MYOF: variants seen among roughly 807,000 people sequenced by gnomAD.
MYOF encodes myoferlin, also known as fer-1-like 3, myoferlin.
MYOF carries 244 observed loss-of-function variants against 284.2 expected under a neutral mutation model. The ratio of observed to expected loss-of-function variants is 0.86; its 90% CI spans 0.77 to 0.95. The LOEUF is 0.95. MYOF is among the 40% of genes least tolerant of loss of function. MYOF has a pLI of 0.00. For synonymous variants in MYOF, 904 were observed against 919.7 expected, an observed-to-expected ratio of 0.98 and a Z score of 0.31; for missense variants, 2,496 against 2,560.6, an observed-to-expected ratio of 0.97 and a Z score of 0.54.
chr10:93,311,592 A>C (rs146359231), intron 51 of MYOF, among the ~76,000 whole-genome samples: 123,015 of 146,808 alleles, frequency 0.84, 51,482 homozygotes, highest in East Asian at 0.9. Flanking sequence ...TCATCTCTAA[A>C]AAAAAAAAAA....
intron 43 of MYOF, 67 bp downstream of exon 43, chr10:93,333,154 A>G (rs1843413018): frequency 3.1e-6 from 4 of 1,306,594 alleles, no homozygotes; most frequent in African/African-American, 1.5e-5. Context: ...TTGGACACAT[A>G]TTAGAGTCTT....
intron 37 of MYOF, among the ~76,000 whole-genome samples, chr10:93,345,034 C>T (rs1030984492): frequency 6.6e-6 from 1 of 152,112 alleles, no homozygotes. Flanking sequence ...AGGTACATCT[C>T]CCATTTATTG....
At chr10:93,444,366 C>A (rs575936285) in intron 3 of MYOF, among the ~76,000 whole-genome samples, 1 of 152,172 alleles carries the variant, frequency 6.6e-6, no homozygotes, top group Non-Finnish European at 1.5e-5. Context: ...AGAGAGAGAA[C>A]AAATGAATAA....
Position 93,333,760 on chromosome 10 carries a change from G to C in MYOF, c.4717C>G (p.Leu1573Val). 6.2e-7 allele frequency: 1 copy of C among 1,614,084 alleles called. No individual in the cohort carries two copies. Among genetic ancestry groups the C allele is most frequent in the Non-Finnish European group, 8.5e-7 (1 of 1,179,954 alleles). Reference sequence around the variant, plus strand: ...AGGCCCCACACCCAAACTCTTACCAGGCCATTGTTGTCCTGGGGCTGGAGC... The same window carrying C: ...AGGCCCCACACCCAAACTCTTACCACGCCATTGTTGTCCTGGGGCTGGAGC... ...LELQPQDNNG[L>V]CDPYIKITLG... The change falls in exon 42 of 54, where the codon CTG becomes GTG. Residue 1573 changes from leucine to valine, a missense_variant and splice_region_variant. Leu to Val is a conservative substitution (Grantham distance 32, BLOSUM62 1). Around this residue, in one of 3 missense-constraint regions of MYOF, gnomAD observed 2,436 missense variants for 2,480.7 expected, o/e 0.98. Coordinates refer to ENST00000359263, the MANE Select transcript of MYOF (RefSeq NM_013451.4).
At chr10:93,371,724 G>A (rs1845598959) in intron 24 of MYOF, among the ~76,000 whole-genome samples, 1 of 140,702 alleles carries the variant, frequency 7.1e-6, no homozygotes, top group Non-Finnish European at 1.5e-5. Context: ...GCTCTCTGGG[G>A]CCTTCAACCT....
intron 7 of MYOF, among the ~76,000 whole-genome samples, chr10:93,407,606 C>T (rs1168173597): frequency 8.6e-4 from 128 of 149,024 alleles, no homozygotes; most frequent in African/African-American, 3.0e-3. Flanking sequence ...GGCGTGGTGG[C>T]GGGCGCCTGT....
chr10:93,396,141 C>A lies in MYOF; in HGVS notation c.1417+1G>T. 4 of 1,603,860 alleles carry A rather than the reference C, an allele frequency of 2.5e-6. No individual in the cohort carries two copies. The highest frequency in any genetic ancestry group is 3.4e-6 in the Non-Finnish European group (4 of 1,173,136). ...TGTTCTAGATCTGTTGAGTGACTTA[C>A]CTTCCACTTCCCCACCAGAGGCAGC... On this transcript the variant is annotated splice_donor_variant, in intron 16 of 53. Coordinates refer to ENST00000359263, the MANE Select transcript of MYOF (RefSeq NM_013451.4). LOFTEE classifies it high-confidence loss of function.
At chr10:93,344,942 T>C (rs1036585368) in intron 37 of MYOF, among the ~76,000 whole-genome samples, 2 of 151,848 alleles carry the variant, frequency 1.3e-5, no homozygotes, top group Non-Finnish European at 2.9e-5. Context: ...GACTCAGGAG[T>C]AGTCCCTGGG....
intron 37 of MYOF, 46 bp downstream of exon 37, chr10:93,347,571 A>T (rs1156968510): frequency 6.8e-7 from 1 of 1,469,970 alleles, no homozygotes; most frequent in Non-Finnish European, 9.0e-7. Flanking sequence ...AAAAAAAAAA[A>T]AAAAAAAGAA....
chr10:93,345,375 C>T (rs1454696028), intron 37 of MYOF, among the ~76,000 whole-genome samples: 1 of 152,126 alleles, frequency 6.6e-6, no homozygotes, highest in Non-Finnish European at 1.5e-5. Context: ...GAGTAAGTAA[C>T]CTAGGTTTGG....
chr10:93,475,841 G>A (rs1175542082), intron 1 of MYOF, among the ~76,000 whole-genome samples: 2 of 152,146 alleles, frequency 1.3e-5, no homozygotes, highest in Non-Finnish European at 1.5e-5. Context: ...AGAAAAACAA[G>A]GCACGTTAAT....
At chr10:93,403,399 T>A (rs1847396301) in intron 9 of MYOF, among the ~76,000 whole-genome samples, 1 of 152,240 alleles carries the variant, frequency 6.6e-6, no homozygotes, top group South Asian at 2.1e-4. Context: ...ATTTTACAGA[T>A]GAAGAAACTA....
intron 38 of MYOF, chr10:93,342,035 G>T: frequency 8.8e-7 from 1 of 1,134,512 alleles, no homozygotes; most frequent in Non-Finnish European, 1.2e-6. Flanking sequence ...GCTAGCACTT[G>T]ACCAATTTTC....
chr10:93,475,333 TC>T (rs1235461947), intron 1 of MYOF, among the ~76,000 whole-genome samples: 2 of 152,214 alleles, frequency 1.3e-5, no homozygotes, highest in African/African-American at 4.8e-5. Context: ...ATACTACGTT[TC>T]ATGTATGAAG....
intron 5 of MYOF, among the ~76,000 whole-genome samples, chr10:93,416,878 G>A (rs1375631122): frequency 5.3e-5 from 8 of 152,116 alleles, no homozygotes; most frequent in Admixed American, 1.3e-4. Flanking sequence ...GATTATAGGC[G>A]TGAGCCACTG....
chr10:93,425,340 C>T (rs894259347), intron 5 of MYOF, among the ~76,000 whole-genome samples: 6 of 152,056 alleles, frequency 3.9e-5, no homozygotes, highest in South Asian at 2.1e-4. Context: ...ATGCATCTTA[C>T]GGCTGAGGAA....
intron 10 of MYOF, 69 bp from the exon 11 acceptor site, chr10:93,402,416 G>T: frequency 2.4e-6 from 3 of 1,244,384 alleles, no homozygotes; most frequent in Non-Finnish European, 3.5e-6. Context: ...TGATTCCTCT[G>T]CCATAAGATA....
At chr10:93,371,772 A>C (rs1188385732) in intron 24 of MYOF, among the ~76,000 whole-genome samples, 2 of 152,174 alleles carry the variant, frequency 1.3e-5, no homozygotes, top group Non-Finnish European at 2.9e-5. Flanking sequence ...AGACCAAAAA[A>C]ACTCATGAGT....
chr10:93,370,072 C>G (rs1845515028), intron 24 of MYOF, among the ~76,000 whole-genome samples: 1 of 152,136 alleles, frequency 6.6e-6, no homozygotes, highest in Non-Finnish European at 1.5e-5. Flanking sequence ...ATCTTCTTTA[C>G]TGTATTGACA....
Sources: gnomAD v4.1 joint callset for allele counts (sites outside exome capture counted in the v4.1 genomes callset) on GRCh38, gnomAD v4.1.1 for gene constraint, gnomAD v4.1.1 regional missense constraint, MANE v1.5 for transcripts, NCBI Gene and HGNC (gene_info 2026-07-23, HGNC 2026-07-21) for gene names.